The following RPS26 variants were observed in gnomAD, a reference collection of about 807,000 sequenced individuals.
RPS26 encodes the protein small ribosomal subunit protein eS26.
In RPS26, 1 loss-of-function variant was observed where a neutral mutation model predicts 14.7. The observed-to-expected ratio is 0.07, with a 90% confidence interval of 0.02 to 0.32. The LOEUF (loss-of-function observed/expected upper bound fraction) is 0.32, where lower values mean the gene tolerates loss of function less well. Among genes scored for constraint, RPS26 ranks in the 10% least tolerant of loss-of-function variants. The pLI is 1.00. For synonymous variants in RPS26, 59 were observed against 53.1 expected (o/e 1.11, Z -0.48); for missense variants, 63 against 157.7 (o/e 0.40, Z 3.22).
intron 2 of RPS26, chr12:56,043,011 CTTTG>C (rs1335675899): frequency 5.0e-6 from 2 of 397,668 alleles, no homozygotes; most frequent in African/African-American, 4.1e-5. Context: ...AAGAACGTCG[CTTTG>C]TTTTTTTCCT....
rs1195913869 is a variant in RPS26 at position 56,044,260 on chromosome 12, G to A, written c.*106G>A. 2.3e-6 allele frequency: 2 copies of A among 888,298 alleles called. No individual in the cohort carries two copies. Among genetic ancestry groups the A allele is most frequent in the Non-Finnish European group, 1.9e-6 (1 of 537,998 alleles). The allele number at this position is 888,298 out of a possible 1,614,324, so 55.0% of individuals were successfully genotyped here. ...AAGTGTATCTGTGCCAGATAAGGTGGGGATTTTGTGTGTTAGACCAAGTGT... is the reference window on the plus strand; with the variant it reads ...AAGTGTATCTGTGCCAGATAAGGTGAGGATTTTGTGTGTTAGACCAAGTGT... On this transcript the variant is annotated 3_prime_UTR_variant, in exon 4 of 4. Transcript: ENST00000646449.
Position 56,044,177 on chromosome 12 carries a change from A to T in RPS26, c.*23A>T. The T allele has an allele frequency of 6.4e-7, 1 of 1,554,872 alleles. No individual in the cohort carries two copies. The highest frequency in any genetic ancestry group is 8.9e-7 in the Non-Finnish European group (1 of 1,126,544). ...TAAGGAGCTGAGTTCTTAAAGACTGAAGACAGGCTATTCTCTGGAGAAAAA... is the reference window on the plus strand; with the variant it reads ...TAAGGAGCTGAGTTCTTAAAGACTGTAGACAGGCTATTCTCTGGAGAAAAA... On this transcript the variant is annotated 3_prime_UTR_variant, in exon 4 of 4. Transcript: ENST00000646449.
In RPS26 at chr12:56,043,704, G is replaced by A. The variant is rs185791701; in HGVS notation, c.312+211G>A. Among the ~76,000 whole-genome samples the A allele has an allele frequency of 1.7e-3, 266 of 152,148 alleles. 2 individuals carry two copies. The highest frequency in any genetic ancestry group is 2.7e-3 in the Non-Finnish European group (187 of 68,002). On this transcript the variant is annotated intron_variant, in intron 3 of 3. Coordinates refer to ENST00000646449, the MANE Select transcript of RPS26 (RefSeq NM_001029.5). ...GTGTGAACCTATAGTCTGGCTGCTC[G>A]AGAGGCTGAGGCAGGAGGATCACTT...
chr12:56,043,471 C>A lies in RPS26; in HGVS notation c.290C>A (p.Pro97His). Residue 97 changes from proline (P) to histidine (H), a missense_variant, in exon 3 of 4, where the codon CCC becomes CAC. Transcript: ENST00000646449. ...CGTGAAGCCCGCAAGGACCGAACAC[C>A]CCCACCCCGATTTAGACCTGCGGTG... ...RSREARKDRT[P>H]PPRFRPAGAA... 1 of 1,613,554 alleles carries A rather than the reference C, an allele frequency of 6.2e-7. No individual in the cohort carries two copies. Among genetic ancestry groups the A allele is most frequent in the South Asian group, 1.1e-5 (1 of 91,056 alleles).
At position 56,043,364 on chromosome 12, in the gene RPS26, C is replaced by G. The variant is rs370175828; in HGVS notation, c.183C>G (p.Ala61=). 2 of 1,611,516 alleles carry G rather than the reference C, an allele frequency of 1.2e-6. No individual in the cohort carries two copies. The highest frequency in any genetic ancestry group is 3.3e-5 in the Admixed American group (2 of 59,988). The part of the protein sequence containing the change: ...RDISEASVFD[A]YVLPKLYVKL... ...ATAACTCTATTTTCTATTCCTTAGC[C>G]TATGTGCTTCCCAAGCTGTATGTGA... Residue 61 remains alanine (A), a splice_region_variant and synonymous_variant, in exon 3 of 4, where the codon GCC becomes GCG. Transcript: ENST00000646449.
chr12:56,042,667 G>C, intron 2 of RPS26, 65 bp downstream of exon 2: 7 of 1,427,758 alleles, frequency 4.9e-6, no homozygotes, highest in Non-Finnish European at 6.8e-6. Flanking sequence ...GCCCAACTTC[G>C]CCCTTTTGGA....
In RPS26 at chr12:56,042,175, T is replaced by G. The variant is rs748437026; in HGVS notation, c.3+6T>G. 8.1e-6 allele frequency: 13 copies of G among 1,613,956 alleles called. No individual in the cohort carries two copies. Among genetic ancestry groups the G allele is most frequent in the Non-Finnish European group, 1.1e-5 (13 of 1,179,982 alleles). ...CGGTCCGTGCCTCCAAGATGGTGAGTCTTCTTGCGTGGTGAGGGTGGGGGT... is the reference window on the plus strand; with the variant it reads ...CGGTCCGTGCCTCCAAGATGGTGAGGCTTCTTGCGTGGTGAGGGTGGGGGT... On this transcript the variant is annotated splice_donor_region_variant and intron_variant, in intron 1 of 3. Coordinates refer to ENST00000646449, the MANE Select transcript of RPS26 (RefSeq NM_001029.5).
Position 56,042,415 on chromosome 12 carries a change from C to G in RPS26, c.4-10C>G. 5 of 1,613,848 alleles carry G rather than the reference C, an allele frequency of 3.1e-6. No homozygotes were observed. Among genetic ancestry groups the G allele is most frequent in the Non-Finnish European group, 4.2e-6 (5 of 1,179,776 alleles). On this transcript the variant is annotated splice_polypyrimidine_tract_variant and intron_variant, in intron 1 of 3. Coordinates refer to ENST00000646449, the MANE Select transcript of RPS26 (RefSeq NM_001029.5). ...GCCGTTTTCCTAACAGTTTTCCCATCCTGTCGCAGACAAAGAAAAGAAGGA... is the reference window on the plus strand; with the variant it reads ...GCCGTTTTCCTAACAGTTTTCCCATGCTGTCGCAGACAAAGAAAAGAAGGA...
At chr12:56,042,643 A>G in intron 2 of RPS26, 41 bp downstream of exon 2, 3 of 1,558,684 alleles carry the variant, frequency 1.9e-6, no homozygotes, top group South Asian at 1.1e-5. Flanking sequence ...GGATCCCAGT[A>G]TCTTAAAGCC....
At chr12:56,042,711 C>T (rs1895906072) in intron 2 of RPS26, 109 bp downstream of exon 2, 2 of 908,486 alleles carry the variant, frequency 2.2e-6, no homozygotes, top group African/African-American at 3.2e-5. Flanking sequence ...AGGCAATTTC[C>T]ACGTATTTAA....
chr12:56,042,753 T>G, intron 2 of RPS26, 151 bp downstream of exon 2: 1 of 726,864 alleles, frequency 1.4e-6, no homozygotes, highest in Non-Finnish European at 2.4e-6. Context: ...ATTCTCTTGT[T>G]TGCCGTTTTG....
chr12:56,044,451 C>G lies in RPS26; in HGVS notation c.*297C>G. 3.0e-6 allele frequency: 1 copy of G among 330,558 alleles called. No homozygotes were observed. The allele number at this position is 330,558 out of a possible 1,614,324, so 20.5% of individuals were successfully genotyped here. On this transcript the variant is annotated 3_prime_UTR_variant, in exon 4 of 4. Transcript: ENST00000646449. The stretch of plus-strand genomic sequence containing the variant: ...CTCCGTCTCCCGGGTTCAAGTGATT[C>G]TCCTGCCTCAGCTTCTTGAGTAGCT...
chr12:56,043,493 G>A lies in RPS26; in HGVS notation c.312G>A (p.Ala104=), dbSNP rs145976784. The change falls in exon 3 of 4, where the codon GCG becomes GCA. Residue 104 remains alanine, a splice_region_variant and synonymous_variant. Transcript: ENST00000646449. The stretch of plus-strand genomic sequence containing the variant: ...CACCCCCACCCCGATTTAGACCTGC[G>A]GTGAGTATTTTAAAAGGAGAATGGA... The part of the protein sequence containing the change: ...DRTPPPRFRP[A]GAAPRPPPKP... 33 of 1,613,662 alleles carry A rather than the reference G, an allele frequency of 2.0e-5. No homozygotes were observed. The highest frequency in any genetic ancestry group is 1.9e-4 in the African/African-American group (14 of 74,846).
chr12:56,042,904 A>G (rs930905030), intron 2 of RPS26: 14 of 487,896 alleles, frequency 2.9e-5, no homozygotes, highest in African/African-American at 2.7e-4. Context: ...TGATTATTTG[A>G]ATATTTGTGA....
In RPS26 at chr12:56,042,414, T is replaced by C; in HGVS notation, c.4-11T>C. The C allele has an allele frequency of 6.2e-7, 1 of 1,613,818 alleles. No individual in the cohort carries two copies. The highest frequency in any genetic ancestry group is 8.5e-7 in the Non-Finnish European group (1 of 1,179,786). On this transcript the variant is annotated splice_polypyrimidine_tract_variant and intron_variant, in intron 1 of 3. Coordinates refer to ENST00000646449, the MANE Select transcript of RPS26 (RefSeq NM_001029.5). ...CGCCGTTTTCCTAACAGTTTTCCCA[T>C]CCTGTCGCAGACAAAGAAAAGAAGG...
rs887608541 is a variant in RPS26 at position 56,044,450 on chromosome 12, T to G, written c.*296T>G. Reference sequence around the variant, plus strand: ...CCTCCGTCTCCCGGGTTCAAGTGATTCTCCTGCCTCAGCTTCTTGAGTAGC... The same window carrying G: ...CCTCCGTCTCCCGGGTTCAAGTGATGCTCCTGCCTCAGCTTCTTGAGTAGC... On this transcript the variant is annotated 3_prime_UTR_variant, in exon 4 of 4. Coordinates refer to ENST00000646449, the MANE Select transcript of RPS26 (RefSeq NM_001029.5). The G allele has an allele frequency of 2.9e-6, 1 of 348,946 alleles. No individual in the cohort carries two copies. The highest frequency in any genetic ancestry group is 2.2e-5 in the African/African-American group (1 of 45,032). The allele number at this position is 348,946 out of a possible 1,614,324, so 21.6% of individuals were successfully genotyped here.
At position 56,044,097 on chromosome 12, in the gene RPS26, CTTT is replaced by C. The variant is rs770051961; in HGVS notation, c.313-20_313-18del. On this transcript the variant is annotated intron_variant, in intron 3 of 3. Transcript: ENST00000646449. ...TTGGATCCATGGGTTTTAATTTACT[CTTT>C]TGTTTCTTTGTCTTTCAGGGTGCTG... 2 of 1,611,570 alleles carry C rather than the reference CTTT, an allele frequency of 1.2e-6. No homozygotes were observed. The highest frequency in any genetic ancestry group is 3.3e-5 in the Admixed American group (2 of 59,982).
At chr12:56,043,992 A>T (rs1334588511) in intron 3 of RPS26, 127 bp from the exon 4 acceptor site, 3 of 848,586 alleles carry the variant, frequency 3.5e-6, no homozygotes, top group Non-Finnish European at 6.2e-6. Flanking sequence ...CTCCACCTCT[A>T]TCAGCTTCCC....
intron 1 of RPS26, 27 bp downstream of exon 1, chr12:56,042,196 G>C: frequency 1.9e-6 from 3 of 1,613,946 alleles, no homozygotes; most frequent in Non-Finnish European, 2.5e-6. Flanking sequence ...GGTGAGGGTG[G>C]GGGTTCGGGT....
Sources: allele counts gnomAD v4.1 joint callset (sites outside exome capture counted in the v4.1 genomes callset), GRCh38; gene constraint gnomAD v4.1.1; transcripts MANE v1.5; gene names NCBI Gene and HGNC (gene_info 2026-07-23, HGNC 2026-07-21).